OTOA: variants seen among roughly 807,000 people sequenced by gnomAD.
OTOA encodes otoancorin, also known as cancer/testis antigen 108.
In OTOA, 70 loss-of-function variants were observed where a neutral mutation model predicts 110.8. That is an observed-to-expected ratio of 0.63 (90% CI 0.52 to 0.77). The LOEUF (loss-of-function observed/expected upper bound fraction) is 0.77. OTOA is among the 30% of genes least tolerant of loss of function. The pLI is 0.00. For missense variants in OTOA, 917 were observed against 1,075.8 expected (o/e 0.85, Z 2.06); for synonymous variants, 373 against 431.5 (o/e 0.86, Z 1.68).
At position 21,709,852 on chromosome 16, in the gene OTOA, C is replaced by T. The variant is rs372728808; in HGVS notation, c.1105-36C>T. On this transcript the variant is annotated intron_variant, in intron 12 of 28. Coordinates refer to ENST00000646100, the MANE Select transcript of OTOA (RefSeq NM_144672.4). ...GTCAGAGGGAGCCACCGCCCTGCTT[C>T]CTGTCAACACTCATTCCAGTTTGCT... 7 of 1,563,840 alleles carry T rather than the reference C, an allele frequency of 4.5e-6. No individual in the cohort carries two copies. The African/African-American group carries it at 9.5e-5, about 21-fold the overall frequency.
intron 15 of OTOA, 41 bp downstream of exon 15, chr16:21,717,088 A>G (rs758463870): frequency 6.8e-6 from 11 of 1,611,508 alleles, no homozygotes; most frequent in African/African-American, 4.0e-5. Context: ...ATTTCTGACT[A>G]TCTGTCTTGT....
chr16:21,719,304 T>C (rs1200531692), intron 16 of OTOA, 83 bp from the exon 17 acceptor site: 11 of 1,545,550 alleles, frequency 7.1e-6, no homozygotes, highest in Non-Finnish European at 9.8e-6. Context: ...AGCTTGTATC[T>C]GATCATATCT....
intron 1 of OTOA, among the ~76,000 whole-genome samples, chr16:21,664,479 TATA>T (rs1385083927): frequency 6.6e-6 from 1 of 152,098 alleles, no homozygotes; most frequent in Non-Finnish European, 1.5e-5. Context: ...TACTTAGTAA[TATA>T]ATAACAGCGA....
chr16:21,722,790 C>T, intron 17 of OTOA, 115 bp from the exon 18 acceptor site: 1 of 888,334 alleles, frequency 1.1e-6, no homozygotes, highest in South Asian at 1.4e-5. Flanking sequence ...ATAGGGTGCT[C>T]TATTGCATAA....
chr16:21,668,459 C>CTTTT (rs374673931), intron 1 of OTOA, among the ~76,000 whole-genome samples: 4 of 122,034 alleles, frequency 3.3e-5, no homozygotes, highest in Non-Finnish European at 6.8e-5. Context: ...TTGTTTCTTT[C>CTTTT]TTTTTTTTTT....
At chr16:21,681,886 G>T in intron 6 of OTOA, 61 bp downstream of exon 6, 1 of 1,506,258 alleles carries the variant, frequency 6.6e-7, no homozygotes. Flanking sequence ...GCAAACTCAG[G>T]GGCCAGGTAA....
chr16:21,758,183 C>T (rs1299539569), intron 28 of OTOA, among the ~76,000 whole-genome samples: 2 of 151,862 alleles, frequency 1.3e-5, no homozygotes, highest in African/African-American at 4.8e-5. Flanking sequence ...TACAGCTCTC[C>T]CCATTTCCCC....
At chr16:21,737,025 C>T (rs1197475663) in intron 22 of OTOA, among the ~76,000 whole-genome samples, 1 of 152,298 alleles carries the variant, frequency 6.6e-6, no homozygotes, top group Non-Finnish European at 1.5e-5. Context: ...GAGTCTGCCA[C>T]TTACTGGCTG....
intron 10 of OTOA, among the ~76,000 whole-genome samples, chr16:21,698,987 G>A (rs548872214): frequency 3.9e-5 from 6 of 152,252 alleles, no homozygotes; most frequent in African/African-American, 1.4e-4. Context: ...GTCTCGTTCT[G>A]TCGTCCAGGC....
intron 28 of OTOA, among the ~76,000 whole-genome samples, chr16:21,757,679 C>T (rs1361663254): frequency 4.6e-5 from 7 of 151,902 alleles, no homozygotes; most frequent in African/African-American, 1.2e-4. Context: ...AGTGCAGTGC[C>T]GCGATCTCGG....
rs778783433 is a variant in OTOA at position 21,678,365 on chromosome 16, A to T, written c.-4-146A>T. On this transcript the variant is annotated intron_variant, in intron 1 of 28. Transcript: ENST00000646100. ...TTATTTTTAAAAAAGACTTCAAGGG[A>T]TTCTGGGTGTACTTGGTTTTTCCTT... 329 of 523,458 alleles carry T rather than the reference A, an allele frequency of 6.3e-4. 1 individual carries two copies. The Middle Eastern group carries it at 8.8e-3, about 14-fold the overall frequency. 32.4% of individuals were successfully genotyped at this position (523,458 alleles called of 1,614,324 possible). A position where few individuals can be genotyped will look rare whatever the true frequency, so the allele number is the denominator to read the frequency against.
chr16:21,684,127 T>TA (rs80259883), intron 6 of OTOA, among the ~76,000 whole-genome samples: 2,943 of 144,846 alleles, frequency 0.02, 55 homozygotes, highest in East Asian at 0.056. Context: ...ATACTTATAC[T>TA]AAAAAAAAAA....
intron 27 of OTOA, among the ~76,000 whole-genome samples, chr16:21,755,912 C>G (rs1182076427): frequency 6.6e-6 from 1 of 152,376 alleles, no homozygotes; most frequent in Non-Finnish European, 1.5e-5. Flanking sequence ...TTGGCACCCA[C>G]TCTCCTGGAG....
chr16:21,716,119 T>C (rs1158802946), intron 14 of OTOA, among the ~76,000 whole-genome samples: 1 of 151,666 alleles, frequency 6.6e-6, no homozygotes, highest in Admixed American at 6.6e-5. Context: ...CAGGCTGGTC[T>C]CAAACTCCTG....
chr16:21,670,826 T>C (rs114761715), intron 1 of OTOA, among the ~76,000 whole-genome samples: 4 of 152,310 alleles, frequency 2.6e-5, no homozygotes, highest in East Asian at 1.9e-4. Context: ...GAAGGCTTCA[T>C]TGAAGACTTG....
At chr16:21,691,711 G>C (rs778179657) in intron 9 of OTOA, 24 bp downstream of exon 9, 1 of 1,585,704 alleles carries the variant, frequency 6.3e-7, no homozygotes, top group South Asian at 1.1e-5. Flanking sequence ...TGGAGGTGGG[G>C]TCACTTTTTG....
intron 6 of OTOA, among the ~76,000 whole-genome samples, chr16:21,684,855 G>A (rs1044539933): frequency 1.3e-4 from 19 of 151,528 alleles, no homozygotes; most frequent in Admixed American, 9.9e-4. Context: ...GGGTTTAAGC[G>A]ATTCTCCTGC....
intron 1 of OTOA, among the ~76,000 whole-genome samples, chr16:21,673,358 C>T (rs746769579): frequency 2.0e-5 from 3 of 152,044 alleles, no homozygotes; most frequent in Non-Finnish European, 4.4e-5. Context: ...TATTTTATAT[C>T]GTTTTCTTCA....
intron 8 of OTOA, among the ~76,000 whole-genome samples, 177 bp from the exon 9 acceptor site, chr16:21,691,407 G>A (rs554678090): frequency 6.5e-4 from 99 of 152,244 alleles, no homozygotes; most frequent in Middle Eastern, 3.4e-3. Context: ...TTCCACAATG[G>A]TTGAATCAAT....
Sources: allele counts gnomAD v4.1 joint callset (sites outside exome capture counted in the v4.1 genomes callset), GRCh38; gene constraint gnomAD v4.1.1; transcripts MANE v1.5; gene names NCBI Gene and HGNC (gene_info 2026-07-23, HGNC 2026-07-21).